The following NMNAT2 variants were observed in gnomAD, a reference collection of about 807,000 sequenced individuals.
NMNAT2 encodes the protein nicotinamide/nicotinic acid mononucleotide adenylyltransferase 2.
NMNAT2 carries 11 observed loss-of-function variants against 41.6 expected under a neutral mutation model. The observed-to-expected ratio is 0.26, with a 90% CI of 0.17 to 0.44. NMNAT2 has a LOEUF of 0.44. Ranked by LOEUF, NMNAT2 falls within the 20% of genes least tolerant of loss-of-function variation. The pLI is 1.00. For missense variants in NMNAT2, 288 were observed against 407.7 expected (o/e 0.71, Z 2.53); for synonymous variants, 148 against 151.2 (o/e 0.98, Z 0.16).
chr1:183,364,850 T>C (rs1013149732), intron 1 of NMNAT2, among the ~76,000 whole-genome samples: 2 of 151,998 alleles, frequency 1.3e-5, no homozygotes, highest in Non-Finnish European at 2.9e-5. Context: ...CACCACCACA[T>C]CCGGCTAATT....
chr1:183,413,036 T>G (rs1649160323), intron 1 of NMNAT2, among the ~76,000 whole-genome samples: 1 of 152,242 alleles, frequency 6.6e-6, no homozygotes, highest in Admixed American at 6.5e-5. Flanking sequence ...AGAATTTTCC[T>G]GGCTGGCTCA....
At chr1:183,275,171 C>A (rs565202148) in intron 8 of NMNAT2, among the ~76,000 whole-genome samples, 18 of 152,282 alleles carry the variant, frequency 1.2e-4, no homozygotes, top group Admixed American at 9.2e-4. Flanking sequence ...GTGCAAGAGC[C>A]TTTCAGGTCT....
At chr1:183,360,800 T>A (rs1663291033) in intron 1 of NMNAT2, among the ~76,000 whole-genome samples, 1 of 152,222 alleles carries the variant, frequency 6.6e-6, no homozygotes, top group Admixed American at 6.5e-5. Context: ...TAAGTGCAGA[T>A]CCTCCAGGAT....
intron 1 of NMNAT2, among the ~76,000 whole-genome samples, chr1:183,321,393 G>A (rs1662353082): frequency 6.6e-6 from 1 of 152,216 alleles, no homozygotes; most frequent in Non-Finnish European, 1.5e-5. Flanking sequence ...AGAGAAAGAG[G>A]TTTGAGAATG....
chr1:183,276,890 G>T (rs1661135663), intron 8 of NMNAT2, among the ~76,000 whole-genome samples: 1 of 152,230 alleles, frequency 6.6e-6, no homozygotes, highest in African/African-American at 2.4e-5. Context: ...TCTAGGAAAT[G>T]GTTCCAGGGT....
chr1:183,328,213 G>C (rs1662509672), intron 1 of NMNAT2, among the ~76,000 whole-genome samples: 1 of 151,958 alleles, frequency 6.6e-6, no homozygotes. Context: ...GATGCCGCAG[G>C]CCAGGACCCT....
chr1:183,323,255 A>T (rs1464676537), intron 1 of NMNAT2, among the ~76,000 whole-genome samples: 1 of 152,060 alleles, frequency 6.6e-6, no homozygotes, highest in Non-Finnish European at 1.5e-5. Flanking sequence ...CTTCATATTC[A>T]TCCCTAAATC....
chr1:183,406,528 C>T (rs1437998990), intron 1 of NMNAT2, among the ~76,000 whole-genome samples: 1 of 152,044 alleles, frequency 6.6e-6, no homozygotes, highest in Non-Finnish European at 1.5e-5. Flanking sequence ...ATTCTCTGGA[C>T]CTGAAAGATC....
chr1:183,284,987 G>A (rs1661367553), intron 5 of NMNAT2, among the ~76,000 whole-genome samples, 197 bp from the exon 6 acceptor site: 1 of 152,194 alleles, frequency 6.6e-6, no homozygotes, highest in Admixed American at 6.5e-5. Context: ...CTCACTCACA[G>A]TCTGAGGCAC....
intron 8 of NMNAT2, among the ~76,000 whole-genome samples, chr1:183,278,038 T>C (rs1056291679): frequency 6.6e-5 from 10 of 152,204 alleles, no homozygotes; most frequent in South Asian, 2.1e-4. Flanking sequence ...AAAGGTGTCA[T>C]TGAGCTCCTA....
intron 1 of NMNAT2, among the ~76,000 whole-genome samples, chr1:183,362,295 TAG>T (rs1663322670): frequency 6.6e-6 from 1 of 152,168 alleles, no homozygotes; most frequent in Non-Finnish European, 1.5e-5. Context: ...CCCTTAATTT[TAG>T]AGTGTGCAAT....
At chr1:183,355,429 G>C (rs1024705318) in intron 1 of NMNAT2, among the ~76,000 whole-genome samples, 2 of 152,192 alleles carry the variant, frequency 1.3e-5, no homozygotes, top group Non-Finnish European at 2.9e-5. Context: ...CAGAGACCGA[G>C]GGTGGGACCC....
At chr1:183,271,831 C>A (rs1179712145) in intron 8 of NMNAT2, among the ~76,000 whole-genome samples, 1 of 152,100 alleles carries the variant, frequency 6.6e-6, no homozygotes, top group Non-Finnish European at 1.5e-5. Context: ...CGGCTCCCTG[C>A]AACCTGCACC....
intron 1 of NMNAT2, among the ~76,000 whole-genome samples, chr1:183,359,985 T>C (rs192390148): frequency 6.6e-4 from 100 of 152,304 alleles, no homozygotes; most frequent in Non-Finnish European, 5.7e-4. Context: ...GTGTAAAACA[T>C]TGGATTTTTG....
intron 1 of NMNAT2, among the ~76,000 whole-genome samples, chr1:183,317,509 C>T (rs1433229237): frequency 6.6e-6 from 1 of 152,214 alleles, no homozygotes; most frequent in African/African-American, 2.4e-5. Context: ...TGGGCTCCAG[C>T]TATCCTCCTG....
At chr1:183,395,398 A>G (rs1648609745) in intron 1 of NMNAT2, among the ~76,000 whole-genome samples, 1 of 151,914 alleles carries the variant, frequency 6.6e-6, no homozygotes, top group African/African-American at 2.4e-5. Flanking sequence ...GGGCAGGGGA[A>G]GCCAGGGCAT....
chr1:183,259,926 C>T (rs79583958), intron 10 of NMNAT2, among the ~76,000 whole-genome samples: 6,852 of 152,296 alleles, frequency 0.045, 185 homozygotes, highest in South Asian at 0.12. Context: ...TTAACTGACA[C>T]TTACGTGTTC....
chr1:183,268,408 G>A (rs1167401338), intron 8 of NMNAT2, among the ~76,000 whole-genome samples: 2 of 152,206 alleles, frequency 1.3e-5, no homozygotes, highest in Admixed American at 1.3e-4. Context: ...ACTCTCTAGT[G>A]TGAGACATTA....
chr1:183,387,099 T>C (rs1273637967), intron 1 of NMNAT2, among the ~76,000 whole-genome samples: 2 of 151,256 alleles, frequency 1.3e-5, no homozygotes, highest in Non-Finnish European at 2.9e-5. Flanking sequence ...ATAAATAATG[T>C]ATTAGTTTAT....
Sources: allele counts gnomAD v4.1 joint callset (sites outside exome capture counted in the v4.1 genomes callset), GRCh38; gene constraint gnomAD v4.1.1; transcripts MANE v1.5; gene names NCBI Gene and HGNC (gene_info 2026-07-23, HGNC 2026-07-21).